Variants in TRPM8 observed in about 807,000 individuals in gnomAD.
TRPM8 encodes TRPM8 cationic channel.
TRPM8 carries 110 observed loss-of-function variants against 133.7 expected under a neutral mutation model. The ratio of observed to expected loss-of-function variants is 0.82; its 90% CI spans 0.70 to 0.96. The LOEUF (loss-of-function observed/expected upper bound fraction) is 0.96. Ranked by LOEUF, TRPM8 falls within the 40% of genes least tolerant of loss-of-function variation. The pLI, the probability that TRPM8 is intolerant of heterozygous loss-of-function variation, is 0.00. For missense variants in TRPM8, 1,291 were observed against 1,379.5 expected, an observed-to-expected ratio of 0.94 and a Z score of 1.02; for synonymous variants, 535 against 532.3, an observed-to-expected ratio of 1.01 and a Z score of -0.07.
At chr2:233,949,139 A>G (rs529059490) in intron 8 of TRPM8, among the ~76,000 whole-genome samples, 12 of 152,296 alleles carry the variant, frequency 7.9e-5, no homozygotes, top group African/African-American at 2.9e-4. Flanking sequence ...TGTGGTGCAG[A>G]CACTTGAGGC....
intron 21 of TRPM8, among the ~76,000 whole-genome samples, chr2:233,993,812 A>G (rs919874259): frequency 1.3e-5 from 2 of 152,200 alleles, no homozygotes; most frequent in Admixed American, 6.5e-5. Context: ...TTCTCTTTTC[A>G]ATAGGACTTA....
intron 3 of TRPM8, among the ~76,000 whole-genome samples, chr2:233,936,351 C>T (rs377088814): frequency 6.6e-5 from 10 of 152,310 alleles, no homozygotes; most frequent in East Asian, 1.9e-4. Context: ...CCACTGACTG[C>T]GTTTCTTTTT....
At chr2:233,944,558 A>G (rs1241860014) in intron 6 of TRPM8, among the ~76,000 whole-genome samples, 2 of 152,256 alleles carry the variant, frequency 1.3e-5, no homozygotes, top group African/African-American at 2.4e-5. Flanking sequence ...AATCATTTGG[A>G]AATTAAGAAA....
At chr2:233,936,936 A>G (rs13418652) in intron 3 of TRPM8, among the ~76,000 whole-genome samples, 47,666 of 131,554 alleles carry the variant, frequency 0.36, 9,948 homozygotes, top group African/African-American at 0.61. Flanking sequence ...TTGCTCTGTC[A>G]CCCAGGTTGG....
At chr2:233,980,509 C>G (rs1038211125) in intron 18 of TRPM8, among the ~76,000 whole-genome samples, 5 of 152,084 alleles carry the variant, frequency 3.3e-5, no homozygotes, top group Admixed American at 6.6e-5. Context: ...TGATTTTTCT[C>G]TTTGTTCTTA....
At chr2:233,941,759 A>G (rs1405080443) in intron 5 of TRPM8, among the ~76,000 whole-genome samples, 1 of 152,220 alleles carries the variant, frequency 6.6e-6, no homozygotes, top group Non-Finnish European at 1.5e-5. Flanking sequence ...AAAACCCTGT[A>G]TAACCCTTAG....
chr2:233,965,532 T>G (rs1255390018), intron 14 of TRPM8, among the ~76,000 whole-genome samples: 1 of 152,196 alleles, frequency 6.6e-6, no homozygotes, highest in Non-Finnish European at 1.5e-5. Context: ...GCATTTTAAA[T>G]GAGAATTTCA....
intron 15 of TRPM8, among the ~76,000 whole-genome samples, chr2:233,968,617 G>A (rs940876218): frequency 3.3e-5 from 5 of 152,072 alleles, no homozygotes; most frequent in Admixed American, 2.0e-4. Context: ...CAGGTGCCCA[G>A]GGCCAGAGGG....
chr2:233,971,338 T>C (rs1691711319), intron 17 of TRPM8, among the ~76,000 whole-genome samples: 1 of 152,150 alleles, frequency 6.6e-6, no homozygotes, highest in African/African-American at 2.4e-5. Flanking sequence ...CTGACAGACT[T>C]TTTTTAGTGA....
At chr2:233,985,965 A>C in intron 21 of TRPM8, 100 bp downstream of exon 21, 1 of 1,154,638 alleles carries the variant, frequency 8.7e-7, no homozygotes, top group Non-Finnish European at 1.2e-6. Context: ...CCCTTGAGGA[A>C]CATACTTTAG....
intron 4 of TRPM8, among the ~76,000 whole-genome samples, 175 bp from the exon 5 acceptor site, chr2:233,938,823 T>C (rs1690827170): frequency 6.6e-6 from 1 of 152,090 alleles, no homozygotes; most frequent in African/African-American, 2.4e-5. Context: ...CACTTCCTCA[T>C]GGGGCCTTGG....
Position 233,989,826 on chromosome 2 carries a change from G to A in TRPM8, c.2939+3961G>A, listed in dbSNP as rs773723343. ...CACAGGGCCTGTGTGGCTTATCAGC[G>A]GCAGGAAGTGAATTTAAAGTCAGTA... On this transcript the variant is annotated intron_variant, in intron 21 of 25. Coordinates refer to ENST00000324695, the MANE Select transcript of TRPM8 (RefSeq NM_024080.5). The surrounding 1 kb of genome is among the most constrained non-coding windows in gnomAD (Gnocchi z 4.2). Among the ~76,000 whole-genome samples, 10 of 152,082 alleles carry A rather than the reference G, an allele frequency of 6.6e-5. No homozygotes were observed. The highest frequency in any genetic ancestry group is 1.0e-4 in the Non-Finnish European group (7 of 68,028).
intron 2 of TRPM8, among the ~76,000 whole-genome samples, chr2:233,927,902 CTTTCTT>C (rs1216469555): frequency 2.7e-4 from 18 of 67,594 alleles, no homozygotes; most frequent in Admixed American, 3.5e-4. Context: ...TTCTTTCTTT[CTTTCTT>C]TCTCTCTCTC....
At chr2:233,959,316 T>A (rs990386361) in intron 11 of TRPM8, among the ~76,000 whole-genome samples, 5 of 133,662 alleles carry the variant, frequency 3.7e-5, no homozygotes, top group African/African-American at 5.9e-5. Flanking sequence ...GTGAGCCACC[T>A]CGCCCAGCCT....
chr2:234,007,929 C>A, intron 23 of TRPM8, 141 bp from the exon 24 acceptor site: 2 of 848,152 alleles, frequency 2.4e-6, no homozygotes, highest in Non-Finnish European at 3.8e-6. Context: ...AAGGTAAATG[C>A]AGCTGATTCT....
Position 233,955,196 on chromosome 2 carries a change from G to GA in TRPM8, c.1310dup (p.Asn437LysfsTer8), listed in dbSNP as rs762800581. 1.4e-5 allele frequency: 22 copies of GA among 1,614,026 alleles called. No homozygotes were observed. In the African/African-American group the frequency reaches 2.4e-4, roughly 18 times the overall value. ...GGCAGCTGAAGCTTCTGCTGGAGTG[G>GA]AACCAGCTGGACTTAGCCAATGATG... On this transcript the variant is annotated frameshift_variant, in exon 11 of 26. Transcript: ENST00000324695. LOFTEE classifies it high-confidence loss of function.
chr2:234,009,534 A>G (rs1200007477), intron 24 of TRPM8, among the ~76,000 whole-genome samples: 12 of 152,168 alleles, frequency 7.9e-5, no homozygotes, highest in Admixed American at 7.9e-4. Flanking sequence ...TTGTGGATAC[A>G]GGACCAGCTG....
At position 233,963,271 on chromosome 2, in the gene TRPM8, TA is replaced by T; in HGVS notation, c.1654-9del. On this transcript the variant is annotated splice_polypyrimidine_tract_variant and intron_variant, in intron 12 of 25. Transcript: ENST00000324695. ...ATTTGCACATGCTGACCACATGCTCTAACCCCCCAGGACGTGTCTCCTATTA... is the reference window on the plus strand; with the variant it reads ...ATTTGCACATGCTGACCACATGCTCTACCCCCCAGGACGTGTCTCCTATTA... 5 of 1,601,530 alleles carry T rather than the reference TA, an allele frequency of 3.1e-6. No individual in the cohort carries two copies. The highest frequency in any genetic ancestry group is 4.3e-6 in the Non-Finnish European group (5 of 1,169,444).
intron 10 of TRPM8, 45 bp from the exon 11 acceptor site, chr2:233,955,087 T>C (rs1691258730): frequency 2.1e-6 from 3 of 1,457,858 alleles, no homozygotes; most frequent in African/African-American, 1.4e-5. Context: ...CTCACTCTTA[T>C]TTCTGAGCCT....
Sources: gnomAD v4.1 joint callset for allele counts (sites outside exome capture counted in the v4.1 genomes callset) on GRCh38, gnomAD v4.1.1 for gene constraint, Gnocchi (gnomAD v3.1) non-coding constraint, MANE v1.5 for transcripts, NCBI Gene and HGNC (gene_info 2026-07-23, HGNC 2026-07-21) for gene names.